FAHD2A: variants seen among roughly 807,000 people sequenced by gnomAD.
FAHD2A encodes oxaloacetate tautomerase FAHD2A, mitochondrial.
A neutral mutation model predicts 33.4 loss-of-function variants in FAHD2A; 27 were observed. That is an observed-to-expected ratio of 0.81 (90% CI 0.60 to 1.11). The LOEUF (loss-of-function observed/expected upper bound fraction) is 1.11. FAHD2A is among the 50% of genes most tolerant of loss of function. The probability of loss-of-function intolerance (pLI) is 0.00; values close to 1 mark genes in which losing one functional copy is unlikely to be tolerated. For missense variants in FAHD2A, 296 were observed against 395.0 expected (o/e 0.75, Z 2.12); for synonymous variants, 130 against 153.3 (o/e 0.85, Z 1.12).
Position 95,402,747 on chromosome 2 carries a change from A to T in FAHD2A, c.-132A>T, listed in dbSNP as rs1680931332. ...TGATCCGGCCGAGTGGCCCTGGGTT[A>T]GCAGCTGCTGCATTTCCCCGGCTGG... On this transcript the variant is annotated 5_prime_UTR_variant, in exon 1 of 8. Coordinates refer to ENST00000233379, the MANE Select transcript of FAHD2A (RefSeq NM_016044.3). 1 of 152,370 alleles carries T rather than the reference A, an allele frequency of 6.6e-6. No individual in the cohort carries two copies. Among genetic ancestry groups the T allele is most frequent in the Non-Finnish European group, 1.5e-5 (1 of 68,194 alleles). The allele number at this position is 152,370 out of a possible 1,614,324, so 9.4% of individuals were successfully genotyped here.
intron 5 of FAHD2A, among the ~76,000 whole-genome samples, chr2:95,412,115 A>G (rs1356065588): frequency 6.6e-6 from 1 of 152,084 alleles, no homozygotes; most frequent in Non-Finnish European, 1.5e-5. Flanking sequence ...TACAGGTGTC[A>G]TCCTATGCTG....
intron 1 of FAHD2A, among the ~76,000 whole-genome samples, chr2:95,403,969 C>T (rs910367665): frequency 2.6e-5 from 4 of 152,200 alleles, no homozygotes; most frequent in African/African-American, 9.7e-5. Context: ...TTGTGTAAGA[C>T]AGCAGGGCAG....
downstream of FAHD2A, among the ~76,000 whole-genome samples, chr2:95,421,005 CTGTGTGTGTGTGTGTG>C (rs57970330): frequency 2.4e-4 from 31 of 129,990 alleles, no homozygotes; most frequent in Middle Eastern, 3.6e-3. Context: ...GAATGAACCT[CTGTGTGTGTGTGTGTG>C]TGTGTGTGTG....
rs1211486054 is a variant in FAHD2A at position 95,413,457 on chromosome 2, A to G, written c.*500A>G. The stretch of plus-strand genomic sequence containing the variant: ...CAGGCTCCTTCTCACAGTTCTAGCT[A>G]CAAGTGAACTGCCGGATGAACTGTT... On this transcript the variant is annotated 3_prime_UTR_variant, in exon 8 of 8. Transcript: ENST00000233379. 6 of 1,610,042 alleles carry G rather than the reference A, an allele frequency of 3.7e-6. No homozygotes were observed. Among genetic ancestry groups the G allele is most frequent in the Non-Finnish European group, 3.4e-6 (4 of 1,179,330 alleles).
At position 95,405,768 on chromosome 2, in the gene FAHD2A, A is replaced by G. The variant is rs1207846995; in HGVS notation, c.210A>G (p.Leu70=). ...TCCCGAAGACGATGACGCAGTTCCT[A>G]GAGCAGGGAGAGGCCACCCTCTCAG... is the stretch of plus-strand genomic sequence containing the variant. The part of the protein sequence containing the change: ...PTLPKTMTQF[L]EQGEATLSVA... The change falls in exon 2 of 8, where the codon CTA becomes CTG. Residue 70 remains leucine, a synonymous_variant. Coordinates refer to ENST00000233379, the MANE Select transcript of FAHD2A (RefSeq NM_016044.3). 2 of 1,613,348 alleles carry G rather than the reference A, an allele frequency of 1.2e-6. No individual in the cohort carries two copies. Among genetic ancestry groups the G allele is most frequent in the Non-Finnish European group, 1.7e-6 (2 of 1,179,808 alleles).
downstream of FAHD2A, among the ~76,000 whole-genome samples, chr2:95,421,287 T>C (rs867245879): frequency 4.2e-3 from 317 of 74,632 alleles, 9 homozygotes; most frequent in African/African-American, 0.024. Context: ...ATCCCTCCTC[T>C]GTAGCTCCCT....
Position 95,413,647 on chromosome 2 carries a change from C to G in FAHD2A, c.*690C>G, listed in dbSNP as rs1046493601. ...TGGCCCAGGGGCCAGGCCTGTCCCC[C>G]AGAAACCTGCCTTGAGACCTCTGAC... On this transcript the variant is annotated 3_prime_UTR_variant, in exon 8 of 8. Transcript: ENST00000233379. 1.4e-6 allele frequency: 2 copies of G among 1,404,180 alleles called. No individual in the cohort carries two copies. The highest frequency in any genetic ancestry group is 1.9e-6 in the Non-Finnish European group (2 of 1,059,050). 87.0% of individuals were successfully genotyped at this position (1,404,180 alleles called of 1,614,324 possible).
At chr2:95,417,185 A>G (rs1257530892), downstream of FAHD2A, among the ~76,000 whole-genome samples, 1 of 152,246 alleles carries the variant, frequency 6.6e-6, no homozygotes, top group African/African-American at 2.4e-5. Flanking sequence ...GTCTCAGAAC[A>G]TCTGCCTCCA....
downstream of FAHD2A, among the ~76,000 whole-genome samples, chr2:95,420,248 G>C (rs902529143): frequency 6.6e-6 from 1 of 152,054 alleles, no homozygotes; most frequent in African/African-American, 2.4e-5. Context: ...GGCACCCCAT[G>C]GTCTAATCAA....
Position 95,413,461 on chromosome 2 carries a change from G to A in FAHD2A, c.*504G>A, listed in dbSNP as rs181544855. 1.6e-5 allele frequency: 26 copies of A among 1,610,480 alleles called. No individual in the cohort carries two copies. The highest frequency in any genetic ancestry group is 1.5e-4 in the Admixed American group (9 of 59,558). On this transcript the variant is annotated 3_prime_UTR_variant, in exon 8 of 8. Coordinates refer to ENST00000233379, the MANE Select transcript of FAHD2A (RefSeq NM_016044.3). ...CTCCTTCTCACAGTTCTAGCTACAA[G>A]TGAACTGCCGGATGAACTGTTCTAG...
At chr2:95,408,653 G>A (rs1001239074) in intron 3 of FAHD2A, among the ~76,000 whole-genome samples, 1 of 152,136 alleles carries the variant, frequency 6.6e-6, no homozygotes, top group African/African-American at 2.4e-5. Flanking sequence ...AACAGCACGG[G>A]AAAGACCTGC....
rs1683012405 is a variant in FAHD2A, at chr2:95,414,938, A to T, written c.*1981A>T. On this transcript the variant is annotated 3_prime_UTR_variant, in exon 8 of 8. Transcript: ENST00000233379. The stretch of plus-strand genomic sequence containing the variant: ...AAACAAAAAACAAAACCAATAACTC[A>T]GTAAGCAGATTAAACAAAGGTAGAG... 1 of 152,338 alleles carries T rather than the reference A, an allele frequency of 6.6e-6. No homozygotes were observed. The highest frequency in any genetic ancestry group is 2.1e-4 in the South Asian group (1 of 4,814). 9.4% of individuals were successfully genotyped at this position (152,338 alleles called of 1,614,324 possible).
chr2:95,404,018 G>A (rs1681131707), intron 1 of FAHD2A, among the ~76,000 whole-genome samples: 1 of 152,188 alleles, frequency 6.6e-6, no homozygotes, highest in Admixed American at 6.5e-5. Flanking sequence ...AAACTGGTGG[G>A]CCACAACAGT....
chr2:95,413,141 C>A lies in FAHD2A; in HGVS notation c.*184C>A. 9.0e-7 allele frequency: 1 copy of A among 1,107,098 alleles called. No individual in the cohort carries two copies. Among genetic ancestry groups the A allele is most frequent in the Non-Finnish European group, 1.3e-6 (1 of 785,124 alleles). 68.6% of individuals were successfully genotyped at this position (1,107,098 alleles called of 1,614,324 possible). A position where few individuals can be genotyped will look rare whatever the true frequency, so the allele number is the denominator to read the frequency against. ...TCAGGTCAAAGCAGCAGCTTTGCTT[C>A]TGCTGTTTGTCTTCTTTTGGGCTTT... On this transcript the variant is annotated 3_prime_UTR_variant, in exon 8 of 8. Transcript: ENST00000233379.
At chr2:95,408,265 C>G (rs1243730648) in intron 3 of FAHD2A, among the ~76,000 whole-genome samples, 1 of 152,152 alleles carries the variant, frequency 6.6e-6, no homozygotes, top group African/African-American at 2.4e-5. Flanking sequence ...GTACTGCTGA[C>G]TTCCCCAAAG....
rs371360739 is a variant in FAHD2A, at chr2:95,408,232, A to G, written c.462+1075A>G. ...TGAATAATATTTAATATGAAATCCA[A>G]TTGCCCCAATTCCCAATCGGAAGTA... On this transcript the variant is annotated intron_variant, in intron 3 of 7. Transcript: ENST00000233379. Among the ~76,000 whole-genome samples, 88 of 152,228 alleles carry G rather than the reference A, an allele frequency of 5.8e-4. 1 individual carries two copies. The highest frequency in any genetic ancestry group is 2.1e-3 in the African/African-American group (86 of 41,536).
rs779560120 is a variant in FAHD2A, at chr2:95,405,714, T to C, written c.156T>C (p.Val52=). The C allele has an allele frequency of 6.2e-7, 1 of 1,614,070 alleles. No homozygotes were observed. The highest frequency in any genetic ancestry group is 1.1e-5 in the South Asian group (1 of 91,066). Residue 52 remains valine (V), a synonymous_variant, in exon 2 of 8, where the codon GTT becomes GTC. Coordinates refer to ENST00000233379, the MANE Select transcript of FAHD2A (RefSeq NM_016044.3). The part of the protein sequence containing the change: ...LGLETGNGGG[V]INLNAFDPTL... ...TGGAGACAGGGAATGGTGGAGGGGT[T>C]ATCAACCTCAATGCCTTTGACCCCA...
chr2:95,419,839 G>T (rs1683290013), downstream of FAHD2A, among the ~76,000 whole-genome samples: 2 of 151,992 alleles, frequency 1.3e-5, 1 homozygote, highest in African/African-American at 4.8e-5. Context: ...GGGGGCAGGG[G>T]CACAGAGAGA....
At position 95,405,662 on chromosome 2, in the gene FAHD2A, C is replaced by G. The variant is rs759733427; in HGVS notation, c.104C>G (p.Pro35Arg). ...ATGAGACTAGTGCAGTTCCGGGCAC[C>G]CCACCTGGTGGGGCCTCACTTGGGC... is the stretch of plus-strand genomic sequence containing the variant. ...RDMRLVQFRA[P>R]HLVGPHLGLE... The change falls in exon 2 of 8, where the codon CCC becomes CGC. Residue 35 changes from proline (P) to arginine (R), a missense_variant. Physicochemically the swap from Pro to Arg is moderately radical, Grantham distance 103 (BLOSUM62 -2). Transcript: ENST00000233379. The G allele has an allele frequency of 6.2e-7, 1 of 1,614,118 alleles. No homozygotes were observed. Among genetic ancestry groups the G allele is most frequent in the East Asian group, 2.2e-5 (1 of 44,872 alleles).
Sources: allele counts gnomAD v4.1 joint callset (sites outside exome capture counted in the v4.1 genomes callset), GRCh38; gene constraint gnomAD v4.1.1; transcripts MANE v1.5; gene names NCBI Gene and HGNC (gene_info 2026-07-23, HGNC 2026-07-21).